LRRC3B: variants seen among roughly 807,000 people sequenced by gnomAD.
LRRC3B encodes the protein leucine rich repeat containing 3B.
Under a neutral mutation model 12.8 loss-of-function variants are expected in LRRC3B, and 2 were observed. That is an observed-to-expected ratio of 0.16 (90% confidence interval 0.06 to 0.49). LRRC3B has a LOEUF of 0.49. LRRC3B is among the 20% of genes least tolerant of loss of function. The probability of loss-of-function intolerance (pLI) is 0.96; values close to 1 mark genes in which losing one functional copy is unlikely to be tolerated. For synonymous variants in LRRC3B, 132 were observed against 122.0 expected, an observed-to-expected ratio of 1.08 and a Z score of -0.54; for missense variants, 189 against 319.4, an observed-to-expected ratio of 0.59 and a Z score of 3.11.
chr3:26,708,837 A>C (rs1170304096), intron 1 of LRRC3B, among the ~76,000 whole-genome samples: 1 of 152,134 alleles, frequency 6.6e-6, no homozygotes, highest in Non-Finnish European at 1.5e-5. Flanking sequence ...TGGGAAGGGG[A>C]TATGGTCCTT....
rs550244221 is a variant in LRRC3B at position 26,707,963 on chromosome 3, A to G, written c.-160-1550A>G. Among the ~76,000 whole-genome samples, 9 of 152,290 alleles carry G rather than the reference A, an allele frequency of 5.9e-5. No homozygotes were observed. In the East Asian group the frequency reaches 1.7e-3, roughly 29 times the overall value. ...TTTAAGGGACTCGACTCAGTTTTCC[A>G]AAAGCACGTCTGCTCCATTCTGCTG... On this transcript the variant is annotated intron_variant, in intron 1 of 1. Transcript: ENST00000396641.
At chr3:26,697,137 A>T (rs1049465857) in intron 1 of LRRC3B, among the ~76,000 whole-genome samples, 7 of 152,176 alleles carry the variant, frequency 4.6e-5, no homozygotes, top group African/African-American at 1.7e-4. Context: ...TTAGTTTCCT[A>T]TAGCTTCTGT....
intron 1 of LRRC3B, among the ~76,000 whole-genome samples, chr3:26,661,701 G>A (rs999674769): frequency 6.6e-6 from 1 of 152,106 alleles, no homozygotes; most frequent in Non-Finnish European, 1.5e-5. Context: ...ACATCTTTGT[G>A]ATTGCTAATG....
chr3:26,655,854 GA>G (rs1406964354), intron 1 of LRRC3B, among the ~76,000 whole-genome samples: 1 of 152,074 alleles, frequency 6.6e-6, no homozygotes, highest in Non-Finnish European at 1.5e-5. Flanking sequence ...CACACATTGT[GA>G]TATGGTTTAA....
chr3:26,622,839 G>C (rs2125393709), exon 1 of LRRC3B: 1 of 152,384 alleles, frequency 6.6e-6, no homozygotes, highest in Middle Eastern at 3.4e-3. Context: ...TGGGCAAGCG[G>C]CGCTTTGCCT....
At chr3:26,693,893 A>G (rs1304382425) in intron 1 of LRRC3B, among the ~76,000 whole-genome samples, 1 of 152,246 alleles carries the variant, frequency 6.6e-6, no homozygotes, top group South Asian at 2.1e-4. Flanking sequence ...GAAACACAAT[A>G]GTCCATTCAT....
intron 1 of LRRC3B, among the ~76,000 whole-genome samples, chr3:26,664,614 G>A (rs1699561577): frequency 6.6e-6 from 1 of 152,132 alleles, no homozygotes; most frequent in Non-Finnish European, 1.5e-5. Context: ...GTGGTCCTGT[G>A]AAACACTGGT....
chr3:26,688,698 T>C (rs1176466563), intron 1 of LRRC3B, among the ~76,000 whole-genome samples: 1 of 152,044 alleles, frequency 6.6e-6, no homozygotes, highest in Non-Finnish European at 1.5e-5. Flanking sequence ...TGCTAAACCA[T>C]TCACGAAAGA....
chr3:26,636,916 C>CTCTCTCTT (rs1698899991), intron 1 of LRRC3B, among the ~76,000 whole-genome samples: 1 of 71,070 alleles, frequency 1.4e-5, no homozygotes, highest in Non-Finnish European at 2.5e-5. Context: ...CTCTCTTTCT[C>CTCTCTCTT]TCTTTCTTTC....
chr3:26,633,564 T>A (rs1284223475), intron 1 of LRRC3B, among the ~76,000 whole-genome samples: 2 of 152,216 alleles, frequency 1.3e-5, no homozygotes, highest in African/African-American at 4.8e-5. Context: ...CAAAGCCTGG[T>A]TATTCCAGGG....
At chr3:26,701,926 C>T (rs1196444034) in intron 1 of LRRC3B, among the ~76,000 whole-genome samples, 1 of 152,110 alleles carries the variant, frequency 6.6e-6, no homozygotes, top group Non-Finnish European at 1.5e-5. Flanking sequence ...AACCAAGAAC[C>T]TTGTCAGAAT....
intron 1 of LRRC3B, among the ~76,000 whole-genome samples, chr3:26,694,972 A>G (rs1700275167): frequency 6.6e-6 from 1 of 152,172 alleles, no homozygotes; most frequent in Non-Finnish European, 1.5e-5. Flanking sequence ...ATCAACCCCC[A>G]GAACCGTCCC....
chr3:26,689,034 T>C (rs1700140650), intron 1 of LRRC3B, among the ~76,000 whole-genome samples: 1 of 152,176 alleles, frequency 6.6e-6, no homozygotes, highest in African/African-American at 2.4e-5. Flanking sequence ...TGAGTGCCAC[T>C]TTCCACAGGT....
chr3:26,655,024 CTTCA>C (rs1311120307), intron 1 of LRRC3B, among the ~76,000 whole-genome samples: 1 of 152,060 alleles, frequency 6.6e-6, no homozygotes, highest in African/African-American at 2.4e-5. Context: ...ATATCTACGT[CTTCA>C]TTTATTTATC....
chr3:26,631,537 T>C (rs1304287714), intron 1 of LRRC3B, among the ~76,000 whole-genome samples: 2 of 152,046 alleles, frequency 1.3e-5, no homozygotes, highest in Non-Finnish European at 2.9e-5. Context: ...GGTCATGGAG[T>C]GTTTCCTAAA....
intron 1 of LRRC3B, among the ~76,000 whole-genome samples, chr3:26,623,523 G>A (rs778280192): frequency 2.6e-5 from 4 of 152,156 alleles, no homozygotes; most frequent in Non-Finnish European, 5.9e-5. Context: ...TGTGCAACTT[G>A]CAGGTTTAGT....
chr3:26,637,092 G>A (rs535171194), intron 1 of LRRC3B, among the ~76,000 whole-genome samples: 1 of 151,228 alleles, frequency 6.6e-6, no homozygotes, highest in Non-Finnish European at 1.5e-5. Context: ...CGCCTCTCGA[G>A]TTCAAGCAAT....
Position 26,628,845 on chromosome 3 carries a change from T to TAAA in LRRC3B, c.-161+5624_-161+5626dup, listed in dbSNP as rs5847410. Among the ~76,000 whole-genome samples the TAAA allele has an allele frequency of 4.4e-3, 607 of 137,004 alleles. 5 individuals carry two copies. Among genetic ancestry groups the TAAA allele is most frequent in the Non-Finnish European group, 7.1e-3 (454 of 63,898 alleles). The allele number at this position is 137,004 out of a possible 152,430, so 89.9% of individuals were successfully genotyped here. A position where few individuals can be genotyped will look rare whatever the true frequency, so the allele number is the denominator to read the frequency against. Reference sequence around the variant, plus strand: ...TCAAAATAGATAAATGAGTAAATACTAAAAAAAAAAAAAAAAAATCCTCCA... The same window carrying TAAA: ...TCAAAATAGATAAATGAGTAAATACTAAAAAAAAAAAAAAAAAAAAATCCTCCA... On this transcript the variant is annotated intron_variant, in intron 1 of 1. Transcript: ENST00000396641.
At chr3:26,657,917 A>G (rs1699410014) in intron 1 of LRRC3B, among the ~76,000 whole-genome samples, 1 of 152,208 alleles carries the variant, frequency 6.6e-6, no homozygotes, top group Non-Finnish European at 1.5e-5. Flanking sequence ...TTTGATAAGT[A>G]AATACCAAGA....
Sources: gnomAD v4.1 joint callset for allele counts (sites outside exome capture counted in the v4.1 genomes callset) on GRCh38, gnomAD v4.1.1 for gene constraint, MANE v1.5 for transcripts, NCBI Gene and HGNC (gene_info 2026-07-23, HGNC 2026-07-21) for gene names.